Variants in HTR4 observed in about 807,000 individuals in gnomAD.
HTR4 encodes 5-hydroxytryptamine (serotonin) receptor 4, G protein-coupled.
A neutral mutation model predicts 36.8 loss-of-function variants in HTR4; 16 were observed. The ratio of observed to expected loss-of-function variants is 0.43; its 90% CI spans 0.29 to 0.66. The LOEUF is 0.66. Among genes scored for constraint, HTR4 ranks in the 30% least tolerant of loss-of-function variants. The pLI is 0.13. For missense variants in HTR4, 438 were observed against 490.9 expected (o/e 0.89, Z 1.02); for synonymous variants, 189 against 185.1 (o/e 1.02, Z -0.17).
chr5:148,594,170 G>A (rs553922492), intron 2 of HTR4, among the ~76,000 whole-genome samples: 7 of 152,074 alleles, frequency 4.6e-5, no homozygotes, highest in African/African-American at 1.4e-4. Flanking sequence ...CAGTGTATGC[G>A]TTTAAACATA....
At chr5:148,569,538 A>T (rs1259822065) in intron 2 of HTR4, among the ~76,000 whole-genome samples, 1 of 151,928 alleles carries the variant, frequency 6.6e-6, no homozygotes, top group Non-Finnish European at 1.5e-5. Context: ...TTTTTAAATT[A>T]AAAAAATCTT....
At chr5:148,653,101 C>T (rs1754086879) in intron 1 of HTR4, among the ~76,000 whole-genome samples, 1 of 152,128 alleles carries the variant, frequency 6.6e-6, no homozygotes, top group Non-Finnish European at 1.5e-5. Flanking sequence ...TAAATATCCA[C>T]TACTGCTCAC....
In HTR4 at chr5:148,548,757, A is replaced by G. The variant is rs1759514734; in HGVS notation, c.264T>C (p.Tyr88=). Residue 88 remains tyrosine (Y), a synonymous_variant, in exon 4 of 7, where the codon TAT becomes TAC. Transcript: ENST00000377888. ...TCCGAACAAGACAAAACACCTCCCC[A>G]TAAATCCAGATGTCTTGAACCAGCT... The part of the protein sequence containing the change: ...AIELVQDIWI[Y]GEVFCLVRTS... The G allele has an allele frequency of 6.2e-7, 1 of 1,613,982 alleles. No individual in the cohort carries two copies. Among genetic ancestry groups the G allele is most frequent in the Non-Finnish European group, 8.5e-7 (1 of 1,179,920 alleles).
At chr5:148,614,696 T>G (rs1373881852) in intron 2 of HTR4, among the ~76,000 whole-genome samples, 5 of 151,932 alleles carry the variant, frequency 3.3e-5, no homozygotes, top group Non-Finnish European at 7.4e-5. Context: ...CTAATTAAAC[T>G]AAAGAGCTTC....
chr5:148,526,285 C>A (rs200186064), intron 4 of HTR4, among the ~76,000 whole-genome samples: 40 of 152,274 alleles, frequency 2.6e-4, no homozygotes, highest in East Asian at 7.7e-4. Context: ...GGCTTGAATG[C>A]CAGATATATC....
At chr5:148,614,958 A>G (rs1752600850) in intron 2 of HTR4, among the ~76,000 whole-genome samples, 1 of 152,224 alleles carries the variant, frequency 6.6e-6, no homozygotes, top group Non-Finnish European at 1.5e-5. Context: ...CATCAGAGAA[A>G]TGCAAATCAA....
rs1036696932 is a variant in HTR4 at position 148,497,994 on chromosome 5, C to A, written c.1076+11462G>T. Among the ~76,000 whole-genome samples, 5 of 152,306 alleles carry A rather than the reference C, an allele frequency of 3.3e-5. No individual in the cohort carries two copies. In the East Asian group the frequency reaches 7.7e-4, roughly 24 times the overall value. ...CACGGGTTGCATATTTCCAAAGACACTTCTTGTCCAACAGAAAATAGTCAA... is the reference window on the plus strand; with the variant it reads ...CACGGGTTGCATATTTCCAAAGACAATTCTTGTCCAACAGAAAATAGTCAA... On this transcript the variant is annotated intron_variant, in intron 6 of 6. Transcript: ENST00000377888.
intron 6 of HTR4, among the ~76,000 whole-genome samples, chr5:148,505,955 A>T (rs533165695): frequency 6.6e-6 from 1 of 152,174 alleles, no homozygotes; most frequent in South Asian, 2.1e-4. Flanking sequence ...TGCCCAAGGT[A>T]ATTTATAAAT....
intron 1 of HTR4, among the ~76,000 whole-genome samples, chr5:148,637,566 A>T (rs1376243507): frequency 6.6e-6 from 1 of 152,172 alleles, no homozygotes; most frequent in Non-Finnish European, 1.5e-5. Context: ...GCATGCACAC[A>T]CATGCACACT....
intron 2 of HTR4, among the ~76,000 whole-genome samples, chr5:148,625,273 T>C (rs1304850921): frequency 6.6e-6 from 1 of 152,002 alleles, no homozygotes; most frequent in Non-Finnish European, 1.5e-5. Flanking sequence ...AGAGAGAGGG[T>C]GGCAGAGTCA....
intron 2 of HTR4, among the ~76,000 whole-genome samples, chr5:148,627,134 C>T (rs1218405036): frequency 1.3e-5 from 2 of 152,176 alleles, no homozygotes. Flanking sequence ...CCCTGGACTA[C>T]TGTCACCGTT....
At chr5:148,629,686 T>C (rs2127299469) in intron 2 of HTR4, 1 of 152,244 alleles carries the variant, frequency 6.6e-6, no homozygotes, top group Non-Finnish European at 1.5e-5. Context: ...CTTCCTGCAG[T>C]CAAGCAGATT....
downstream of HTR4, chr5:148,481,507 A>T (rs910483874): frequency 4.2e-6 from 6 of 1,437,942 alleles, no homozygotes; most frequent in Non-Finnish European, 5.6e-6. Context: ...TCTCCCCAAC[A>T]GAATTAAGTC....
chr5:148,562,809 G>A (rs1760272992), intron 2 of HTR4, among the ~76,000 whole-genome samples: 1 of 152,090 alleles, frequency 6.6e-6, no homozygotes, highest in Admixed American at 6.6e-5. Context: ...TCTACCTCCA[G>A]TACATCAGCA....
chr5:148,628,170 A>G (rs1009726652), intron 2 of HTR4, among the ~76,000 whole-genome samples: 2 of 152,270 alleles, frequency 1.3e-5, no homozygotes, highest in African/African-American at 4.8e-5. Flanking sequence ...AGTCTAAAAT[A>G]TCAAATGATA....
intron 3 of HTR4, 65 bp downstream of exon 3, chr5:148,550,072 C>T: frequency 6.5e-7 from 1 of 1,546,472 alleles, no homozygotes; most frequent in Non-Finnish European, 8.8e-7. Flanking sequence ...AATGTTCACA[C>T]CCAACTCTCT....
Position 148,481,601 on chromosome 5 carries a change from G to A in HTR4, c.*1602C>T, listed in dbSNP as rs1755889409. Reference sequence around the variant, plus strand: ...TCAATCTTCTCTTCCTTATTCCAAAGTTTCTTCCTGTCGGTTTCAGTTCCA... The same window carrying A: ...TCAATCTTCTCTTCCTTATTCCAAAATTTCTTCCTGTCGGTTTCAGTTCCA... On this transcript the variant is annotated 3_prime_UTR_variant, in exon 7 of 7. Transcript: ENST00000377888. The A allele has an allele frequency of 6.6e-7, 1 of 1,509,004 alleles. No homozygotes were observed. Among genetic ancestry groups the A allele is most frequent in the Non-Finnish European group, 8.8e-7 (1 of 1,139,338 alleles). The allele number at this position is 1,509,004 out of a possible 1,614,324, so 93.5% of individuals were successfully genotyped here.
chr5:148,592,142 T>G (rs963511080), intron 2 of HTR4, among the ~76,000 whole-genome samples: 3 of 151,654 alleles, frequency 2.0e-5, no homozygotes, highest in African/African-American at 4.9e-5. Context: ...GAACAAAAAA[T>G]CAAATAACAT....
chr5:148,644,445 T>G (rs962679233), intron 1 of HTR4, among the ~76,000 whole-genome samples: 1 of 144,826 alleles, frequency 6.9e-6, no homozygotes, highest in Non-Finnish European at 1.5e-5. Flanking sequence ...TTTTTTTTTT[T>G]TTTTTTTTTT....
Sources: allele counts gnomAD v4.1 joint callset (sites outside exome capture counted in the v4.1 genomes callset), GRCh38; gene constraint gnomAD v4.1.1; transcripts MANE v1.5; gene names NCBI Gene and HGNC (gene_info 2026-07-23, HGNC 2026-07-21).